The following DIS3L2 variants were observed in gnomAD, a reference collection of about 807,000 sequenced individuals.
The protein encoded by DIS3L2 is DIS3 like 3'-5' exoribonuclease 2.
DIS3L2 carries 34 observed loss-of-function variants against 97.5 expected under a neutral mutation model. That is an observed-to-expected ratio of 0.35 (90% CI 0.27 to 0.46). DIS3L2 has a LOEUF of 0.46. Ranked by LOEUF, DIS3L2 falls within the 20% of genes least tolerant of loss-of-function variation. DIS3L2 has a pLI of 1.00. For synonymous variants in DIS3L2, 435 were observed against 445.2 expected, an observed-to-expected ratio of 0.98 and a Z score of 0.29; for missense variants, 1,038 against 1,146.0, an observed-to-expected ratio of 0.91 and a Z score of 1.36.
chr2:231,982,092 G>A (rs1055170600), intron 1 of DIS3L2, among the ~76,000 whole-genome samples: 4 of 151,148 alleles, frequency 2.6e-5, no homozygotes, highest in Non-Finnish European at 4.4e-5. Flanking sequence ...TTCTTTTTTG[G>A]ACATTTGTTA....
chr2:232,024,644 G>T (rs1156759731), intron 4 of DIS3L2, among the ~76,000 whole-genome samples: 1 of 152,090 alleles, frequency 6.6e-6, no homozygotes, highest in African/African-American at 2.4e-5. Context: ...AGGATTTATG[G>T]TTTTTTCCAC....
chr2:232,209,889 C>T (rs1191408354), intron 9 of DIS3L2, among the ~76,000 whole-genome samples: 1 of 152,216 alleles, frequency 6.6e-6, no homozygotes, highest in Non-Finnish European at 1.5e-5. Context: ...TTATGGTTAA[C>T]TCTACGGCCC....
chr2:231,988,408 T>C (rs1374355427), intron 1 of DIS3L2, among the ~76,000 whole-genome samples: 1 of 152,248 alleles, frequency 6.6e-6, no homozygotes, highest in East Asian at 1.9e-4. Flanking sequence ...CGTGCTTAGC[T>C]GACAGACCAA....
At chr2:232,211,978 G>T (rs939471638) in intron 10 of DIS3L2, among the ~76,000 whole-genome samples, 1 of 152,022 alleles carries the variant, frequency 6.6e-6, no homozygotes, top group Admixed American at 6.6e-5. Context: ...GCCTCCCAAA[G>T]CACGAGCCAC....
At chr2:232,098,629 C>T (rs1421926231) in intron 6 of DIS3L2, among the ~76,000 whole-genome samples, 1 of 152,184 alleles carries the variant, frequency 6.6e-6, no homozygotes, top group Non-Finnish European at 1.5e-5. Flanking sequence ...GCTGGGATTA[C>T]AGGTGTGAGT....
intron 9 of DIS3L2, among the ~76,000 whole-genome samples, chr2:232,168,555 A>T (rs1690891929): frequency 6.6e-6 from 1 of 152,158 alleles, no homozygotes; most frequent in African/African-American, 2.4e-5. Flanking sequence ...AATATCCATA[A>T]ATCCATGTAT....
intron 5 of DIS3L2, among the ~76,000 whole-genome samples, chr2:232,031,447 T>TA (rs1694801514): frequency 6.6e-6 from 1 of 152,002 alleles, no homozygotes; most frequent in Non-Finnish European, 1.5e-5. Context: ...TGATCACACT[T>TA]ATACAAATTT....
At chr2:232,200,780 G>GTTTTT (rs1183177130) in intron 9 of DIS3L2, among the ~76,000 whole-genome samples, 17 of 124,790 alleles carry the variant, frequency 1.4e-4, no homozygotes, top group Non-Finnish European at 2.6e-4. Flanking sequence ...TGACCAAAAG[G>GTTTTT]TTTTTTTTTT....
At chr2:232,072,017 G>A (rs886909215) in intron 5 of DIS3L2, among the ~76,000 whole-genome samples, 3 of 152,172 alleles carry the variant, frequency 2.0e-5, no homozygotes, top group Non-Finnish European at 1.5e-5. Flanking sequence ...GGTATGTTAA[G>A]CAGTGGGAAG....
chr2:232,160,760 G>T (rs1690624656), intron 8 of DIS3L2, among the ~76,000 whole-genome samples: 1 of 152,094 alleles, frequency 6.6e-6, no homozygotes, highest in Non-Finnish European at 1.5e-5. Context: ...GGAGGCTGAG[G>T]TGGGAGTATT....
chr2:231,962,963 T>G (rs952979339), intron 1 of DIS3L2, among the ~76,000 whole-genome samples: 3 of 152,228 alleles, frequency 2.0e-5, no homozygotes, highest in African/African-American at 4.8e-5. Flanking sequence ...CATCCACATT[T>G]TTTTTTTCCA....
Position 232,276,179 on chromosome 2 carries a change from T to TA in DIS3L2, c.1659+12741dup, listed in dbSNP as rs1219134253. On this transcript the variant is annotated intron_variant, in intron 13 of 20. Coordinates refer to ENST00000325385, the MANE Select transcript of DIS3L2 (RefSeq NM_152383.5). This position sits in a 1 kb window ranked among gnomAD's most constrained non-coding sequence, Gnocchi z 4.4. ...TAGCCTCCTAAATAAGAAGATGTGCTAATGAATAGCAGAGTCTACTGGTTT... is the reference window on the plus strand; with the variant it reads ...TAGCCTCCTAAATAAGAAGATGTGCTAAATGAATAGCAGAGTCTACTGGTTT... 6.6e-6 allele frequency among the ~76,000 whole-genome samples: 1 copy of TA among 152,238 alleles called. No individual in the cohort carries two copies. Among genetic ancestry groups the TA allele is most frequent in the Non-Finnish European group, 1.5e-5 (1 of 68,040 alleles).
At chr2:232,038,972 C>G (rs1458889809) in intron 5 of DIS3L2, among the ~76,000 whole-genome samples, 4 of 152,152 alleles carry the variant, frequency 2.6e-5, no homozygotes, top group African/African-American at 4.8e-5. Flanking sequence ...TTAACTAGCT[C>G]CTACAGAGGG....
chr2:232,181,800 C>G (rs1481598673), intron 9 of DIS3L2, among the ~76,000 whole-genome samples: 1 of 149,656 alleles, frequency 6.7e-6, no homozygotes, highest in Admixed American at 6.8e-5. Context: ...TCACACCCAG[C>G]TAATTTTTGT....
intron 1 of DIS3L2, among the ~76,000 whole-genome samples, chr2:232,008,974 C>T (rs564477740): frequency 6.6e-6 from 1 of 152,286 alleles, no homozygotes. Flanking sequence ...GTTATTTCTT[C>T]TGCCAGCTTA....
intron 13 of DIS3L2, among the ~76,000 whole-genome samples, chr2:232,290,856 T>C (rs6718438): frequency 0.33 from 49,715 of 152,072 alleles, 9,662 homozygotes; most frequent in African/African-American, 0.52. Context: ...CCATGCTGAA[T>C]AGGGTTTAGT....
At chr2:232,051,332 G>A (rs1035194747) in intron 5 of DIS3L2, among the ~76,000 whole-genome samples, 6 of 152,080 alleles carry the variant, frequency 3.9e-5, no homozygotes, top group African/African-American at 1.4e-4. Flanking sequence ...CTTCTATCTA[G>A]CCACCTGTTA....
Position 232,238,009 on chromosome 2 carries a change from C to T in DIS3L2, c.1205-524C>T, listed in dbSNP as rs572008563. On this transcript the variant is annotated intron_variant, in intron 10 of 20. Coordinates refer to ENST00000325385, the MANE Select transcript of DIS3L2 (RefSeq NM_152383.5). ...GGACATGAATAACAGGCTAAGAGTA[C>T]CTTTCCCAGACCCACATTTAGAAAG... Among the ~76,000 whole-genome samples the T allele has an allele frequency of 1.3e-4, 20 of 152,100 alleles. 1 individual carries two copies. The highest frequency in any genetic ancestry group is 5.9e-5 in the Non-Finnish European group (4 of 67,996).
At chr2:232,071,137 G>A (rs893283092) in intron 5 of DIS3L2, among the ~76,000 whole-genome samples, 5 of 152,138 alleles carry the variant, frequency 3.3e-5, no homozygotes, top group African/African-American at 1.2e-4. Context: ...ACATAATTCA[G>A]CCATTTTTAA....
Sources: allele counts gnomAD v4.1 joint callset (sites outside exome capture counted in the v4.1 genomes callset), GRCh38; gene constraint gnomAD v4.1.1; non-coding constraint Gnocchi (gnomAD v3.1); transcripts MANE v1.5; gene names NCBI Gene and HGNC (gene_info 2026-07-23, HGNC 2026-07-21).